ALPL: variants seen among roughly 807,000 people sequenced by gnomAD.
ALPL encodes the protein alkaline phosphatase, biomineralization associated, also known as alkaline phosphatase, tissue-nonspecific isozyme.
In ALPL, 42 loss-of-function variants were observed where a neutral mutation model predicts 51.3. The ratio of observed to expected loss-of-function variants is 0.82; its 90% confidence interval spans 0.64 to 1.06. The LOEUF (loss-of-function observed/expected upper bound fraction) is 1.06. ALPL is among the 50% of genes least tolerant of loss of function. The probability of loss-of-function intolerance (pLI) is 0.00; values close to 1 mark genes in which losing one functional copy is unlikely to be tolerated. For missense variants in ALPL, 589 were observed against 709.4 expected (o/e 0.83, Z 1.93); for synonymous variants, 279 against 296.4 (o/e 0.94, Z 0.60).
Position 21,560,990 on chromosome 1 carries a change from C to G in ALPL, c.182-107C>G. 4.5e-6 allele frequency: 5 copies of G among 1,121,414 alleles called. No homozygotes were observed. In the South Asian group the frequency reaches 6.6e-5, roughly 15 times the overall value. The allele number at this position is 1,121,414 out of a possible 1,614,324, so 69.5% of individuals were successfully genotyped here. A position where few individuals can be genotyped will look rare whatever the true frequency, so the allele number is the denominator to read the frequency against. The stretch of plus-strand genomic sequence containing the variant: ...TTTACAGAGCCATGCCCAGTGCCAA[C>G]TGCCCGAGCCTGCCTTGGTACCGAA... On this transcript the variant is annotated intron_variant, in intron 3 of 11. Transcript: ENST00000374840.
intron 1 of ALPL, among the ~76,000 whole-genome samples, chr1:21,533,447 G>T (rs149261255): frequency 9.1e-4 from 138 of 152,228 alleles, no homozygotes; most frequent in African/African-American, 3.0e-3. Flanking sequence ...AACTTTTAAC[G>T]GATGCTCTCC....
chr1:21,573,898 G>C, intron 9 of ALPL, 99 bp downstream of exon 9: 1 of 1,576,294 alleles, frequency 6.3e-7, no homozygotes, highest in South Asian at 1.2e-5. Flanking sequence ...CTGGTTTGGG[G>C]GTGAAGGGAG....
At chr1:21,530,954 ATTTT>A (rs34079543) in intron 1 of ALPL, among the ~76,000 whole-genome samples, 9 of 103,962 alleles carry the variant, frequency 8.7e-5, no homozygotes, top group Admixed American at 3.3e-4. Context: ...ATCATTTTTG[ATTTT>A]TTTTTTTTTT....
At chr1:21,565,615 G>C (rs1047445787) in intron 6 of ALPL, among the ~76,000 whole-genome samples, 14 of 151,960 alleles carry the variant, frequency 9.2e-5, no homozygotes, top group Non-Finnish European at 2.1e-4. Context: ...TGGGAGATGA[G>C]GAGGGGGGGC....
chr1:21,576,271 G>A (rs61778394), intron 10 of ALPL, among the ~76,000 whole-genome samples: 85 of 21,978 alleles, frequency 3.9e-3, no homozygotes, highest in East Asian at 0.024. Context: ...GGATGGATGG[G>A]TGGATGGATG....
At position 21,545,231 on chromosome 1, in the gene ALPL, C is replaced by T. The variant is rs80024288; in HGVS notation, c.-104-8747C>T. On this transcript the variant is annotated intron_variant, in intron 1 of 11. Coordinates refer to ENST00000374840, the MANE Select transcript of ALPL (RefSeq NM_000478.6). ...AAACTATAAGAAATAGAGGTGTAAACAGACTATAGCCTACACTTGTGCCAA... is the reference window on the plus strand; with the variant it reads ...AAACTATAAGAAATAGAGGTGTAAATAGACTATAGCCTACACTTGTGCCAA... Among the ~76,000 whole-genome samples the T allele has an allele frequency of 2.9e-3, 439 of 152,076 alleles. 1 individual carries two copies. Among genetic ancestry groups the T allele is most frequent in the African/African-American group, 0.01 (428 of 41,450 alleles).
chr1:21,564,832 C>T lies in ALPL; in HGVS notation c.648+616C>T, dbSNP rs945081582. On this transcript the variant is annotated intron_variant, in intron 6 of 11. Coordinates refer to ENST00000374840, the MANE Select transcript of ALPL (RefSeq NM_000478.6). This position sits in a 1 kb window ranked among gnomAD's most constrained non-coding sequence, Gnocchi z 5.8. ...ATCCCTGTGGAGCTCAGCACAGGAC[C>T]CGAGGCCTAGCGAGTGCCCAGAAGG... 3.9e-5 allele frequency among the ~76,000 whole-genome samples: 6 copies of T among 152,186 alleles called. No homozygotes were observed. Among genetic ancestry groups the T allele is most frequent in the Non-Finnish European group, 8.8e-5 (6 of 68,044 alleles).
chr1:21,575,092 A>G (rs373936856), intron 9 of ALPL, among the ~76,000 whole-genome samples: 4 of 152,214 alleles, frequency 2.6e-5, no homozygotes, highest in African/African-American at 9.7e-5. Flanking sequence ...GGCTTTGTGG[A>G]ACCTGCCACA....
chr1:21,554,915 TTTC>T (rs1426404226), intron 2 of ALPL, among the ~76,000 whole-genome samples: 12 of 38,888 alleles, frequency 3.1e-4, no homozygotes, highest in African/African-American at 1.7e-3. Flanking sequence ...TTCTCTTTTC[TTTC>T]TTTCTTTCTT....
intron 1 of ALPL, among the ~76,000 whole-genome samples, chr1:21,546,539 T>C (rs1644255771): frequency 6.6e-6 from 1 of 152,102 alleles, no homozygotes; most frequent in African/African-American, 2.4e-5. Flanking sequence ...TGGATCTGGG[T>C]TGGGGAGACA....
At position 21,570,977 on chromosome 1, in the gene ALPL, G is replaced by A. The variant is rs139807408; in HGVS notation, c.862+603G>A. Among the ~76,000 whole-genome samples the A allele has an allele frequency of 6.6e-5, 10 of 152,346 alleles. No homozygotes were observed. The East Asian group carries it at 7.7e-4, about 12-fold the overall frequency. On this transcript the variant is annotated intron_variant, in intron 8 of 11. Coordinates refer to ENST00000374840, the MANE Select transcript of ALPL (RefSeq NM_000478.6). ...GACATTTCCCAAGGAACACAGCTCC[G>A]CGTCCTGGGTGTCATTAGAGGTTAT...
intron 4 of ALPL, 104 bp downstream of exon 4, chr1:21,561,316 T>G (rs1644482142): frequency 9.9e-7 from 1 of 1,005,212 alleles, no homozygotes; most frequent in South Asian, 1.4e-5. Flanking sequence ...CTGAGCCCCC[T>G]CCATGCCCAA....
intron 1 of ALPL, among the ~76,000 whole-genome samples, chr1:21,531,233 C>T (rs1644026531): frequency 6.6e-6 from 1 of 152,072 alleles, no homozygotes; most frequent in Admixed American, 6.6e-5. Context: ...TGCGGGATTA[C>T]AGGTGTGAGC....
intron 1 of ALPL, among the ~76,000 whole-genome samples, chr1:21,514,361 A>G (rs1643752129): frequency 6.6e-6 from 1 of 152,164 alleles, no homozygotes; most frequent in African/African-American, 2.4e-5. Flanking sequence ...AGCCCTGTGC[A>G]TTGGTGCGCC....
intron 1 of ALPL, among the ~76,000 whole-genome samples, chr1:21,533,468 A>T (rs1644056748): frequency 6.6e-6 from 1 of 152,144 alleles, no homozygotes; most frequent in Non-Finnish European, 1.5e-5. Context: ...ACTGCATTTT[A>T]TCTGTAAAAC....
chr1:21,537,445 C>A (rs926121054), intron 1 of ALPL, among the ~76,000 whole-genome samples: 4 of 152,142 alleles, frequency 2.6e-5, no homozygotes, highest in South Asian at 4.1e-4. Context: ...ACAAGAGGCC[C>A]CCAGGAAGCT....
rs1413841199 is a variant in ALPL at position 21,577,666 on chromosome 1, AC to A, written c.*21del. The A allele has an allele frequency of 1.3e-6, 2 of 1,591,556 alleles. No individual in the cohort carries two copies. Among genetic ancestry groups the A allele is most frequent in the Non-Finnish European group, 1.7e-6 (2 of 1,176,444 alleles). On this transcript the variant is annotated 3_prime_UTR_variant, in exon 12 of 12. Coordinates refer to ENST00000374840, the MANE Select transcript of ALPL (RefSeq NM_000478.6). ...TGTTCTGAGGGCCCAGGGCCCGGGC[AC>A]CCACAAGCCCGTGACAGATGCCAAC...
chr1:21,524,235 C>T (rs1292679380), intron 1 of ALPL, among the ~76,000 whole-genome samples: 2 of 152,064 alleles, frequency 1.3e-5, no homozygotes, highest in African/African-American at 4.8e-5. Flanking sequence ...AACTCCTGAC[C>T]TCATGATCTG....
At chr1:21,535,570 G>A (rs1028102238) in intron 1 of ALPL, among the ~76,000 whole-genome samples, 7 of 151,926 alleles carry the variant, frequency 4.6e-5, no homozygotes, top group African/African-American at 1.2e-4. Context: ...AGCTATGATC[G>A]TGTCACTGCA....
Sources: allele counts gnomAD v4.1 joint callset (sites outside exome capture counted in the v4.1 genomes callset), GRCh38; gene constraint gnomAD v4.1.1; non-coding constraint Gnocchi (gnomAD v3.1); transcripts MANE v1.5; gene names NCBI Gene and HGNC (gene_info 2026-07-23, HGNC 2026-07-21).